CDH4: variants seen among roughly 807,000 people sequenced by gnomAD.
CDH4 encodes cadherin-4.
Under a neutral mutation model 86.0 loss-of-function variants are expected in CDH4, and 33 were observed. That is an observed-to-expected ratio of 0.38 (90% CI 0.29 to 0.51). The LOEUF (loss-of-function observed/expected upper bound fraction) is 0.51. CDH4 is among the 20% of genes least tolerant of loss of function. The pLI is 0.86. For synonymous variants in CDH4, 555 were observed against 549.4 expected, an observed-to-expected ratio of 1.01 and a Z score of -0.14; for missense variants, 1,114 against 1,307.4, an observed-to-expected ratio of 0.85 and a Z score of 2.28.
intron 2 of CDH4, among the ~76,000 whole-genome samples, chr20:61,688,334 C>T (rs2087611977): frequency 6.6e-6 from 1 of 152,052 alleles, no homozygotes; most frequent in Admixed American, 6.5e-5. Context: ...CCTCCTCTCT[C>T]CCCATTGTGT....
At chr20:61,832,852 A>G (rs942550582) in intron 4 of CDH4, among the ~76,000 whole-genome samples, 2 of 152,126 alleles carry the variant, frequency 1.3e-5, no homozygotes, top group African/African-American at 4.8e-5. Context: ...CATTACCATC[A>G]TCACTGGTTC....
At chr20:61,404,189 C>T (rs1168325940) in intron 2 of CDH4, among the ~76,000 whole-genome samples, 1 of 152,062 alleles carries the variant, frequency 6.6e-6, no homozygotes, top group Non-Finnish European at 1.5e-5. Context: ...ACTCCCACCA[C>T]CACCTGTCCC....
At position 61,565,203 on chromosome 20, in the gene CDH4, TC is replaced by T. The variant is rs1393109804; in HGVS notation, c.170-178359del. Among the ~76,000 whole-genome samples, 13 of 32,138 alleles carry T rather than the reference TC, an allele frequency of 4.0e-4. 2 individuals carry two copies. The highest frequency in any genetic ancestry group is 5.4e-4 in the Non-Finnish European group (9 of 16,788). 21.1% of individuals were successfully genotyped at this position (32,138 alleles called of 152,430 possible). ...GTGGTGGTGGTCCTCTTGGTGGTGG[TC>T]GCGGTGCTCTCGGTGGTAGGTGGTG... On this transcript the variant is annotated intron_variant, in intron 2 of 15. Coordinates refer to ENST00000614565, the MANE Select transcript of CDH4 (RefSeq NM_001794.5).
chr20:61,292,510 G>A (rs558484754), intron 2 of CDH4, among the ~76,000 whole-genome samples: 8 of 152,336 alleles, frequency 5.3e-5, no homozygotes, highest in South Asian at 2.1e-4. Context: ...TACTGGAGAC[G>A]TTTTTGGTTG....
chr20:61,763,666 G>A (rs751245863), intron 3 of CDH4, among the ~76,000 whole-genome samples: 1 of 151,906 alleles, frequency 6.6e-6, no homozygotes, highest in Non-Finnish European at 1.5e-5. Context: ...AAGACCCCTC[G>A]TCTTCCATGG....
intron 2 of CDH4, among the ~76,000 whole-genome samples, chr20:61,313,512 C>T (rs1020481063): frequency 1.3e-5 from 2 of 151,986 alleles, no homozygotes; most frequent in Admixed American, 1.3e-4. Flanking sequence ...AGGCACCAGG[C>T]GTGTCTCACA....
chr20:61,630,326 G>A (rs570002094), intron 2 of CDH4, among the ~76,000 whole-genome samples: 1 of 152,332 alleles, frequency 6.6e-6, no homozygotes, highest in South Asian at 2.1e-4. Context: ...GTCTGCCTGG[G>A]CGCCCGCTCA....
At chr20:61,692,579 A>T (rs1178009544) in intron 2 of CDH4, among the ~76,000 whole-genome samples, 1 of 152,192 alleles carries the variant, frequency 6.6e-6, no homozygotes, top group African/African-American at 2.4e-5. Flanking sequence ...CACGTTTCCT[A>T]ATAAGCATTT....
intron 2 of CDH4, among the ~76,000 whole-genome samples, chr20:61,662,755 T>G (rs148551530): frequency 2.6e-5 from 4 of 152,220 alleles, no homozygotes; most frequent in African/African-American, 9.6e-5. Context: ...CCAGCAAGAC[T>G]CGGGATGGCG....
intron 2 of CDH4, among the ~76,000 whole-genome samples, chr20:61,284,081 G>A (rs746640984): frequency 1.3e-5 from 2 of 151,808 alleles, no homozygotes; most frequent in Non-Finnish European, 2.9e-5. Flanking sequence ...CAAGGCGGGT[G>A]GATCACAAGG....
chr20:61,499,817 G>A (rs889996698), intron 2 of CDH4, among the ~76,000 whole-genome samples: 10 of 152,226 alleles, frequency 6.6e-5, no homozygotes, highest in South Asian at 4.1e-4. Flanking sequence ...ACCTTGAGCC[G>A]GATACCTCTG....
intron 4 of CDH4, among the ~76,000 whole-genome samples, chr20:61,805,119 A>T (rs918588821): frequency 6.6e-6 from 1 of 152,196 alleles, no homozygotes; most frequent in Non-Finnish European, 1.5e-5. Context: ...GGAGTGACTC[A>T]TTGGCTTTGA....
intron 5 of CDH4, among the ~76,000 whole-genome samples, chr20:61,849,732 A>G (rs1439668546): frequency 6.6e-6 from 1 of 151,968 alleles, no homozygotes; most frequent in Admixed American, 6.5e-5. Context: ...CTCCACTGTC[A>G]CCCAGCAAGG....
intron 2 of CDH4, among the ~76,000 whole-genome samples, chr20:61,672,369 G>A (rs1310286799): frequency 1.3e-5 from 2 of 152,136 alleles, no homozygotes; most frequent in Non-Finnish European, 2.9e-5. Flanking sequence ...TTGTGTGCCA[G>A]GTGCTGTCCC....
chr20:61,496,013 AT>A, intron 2 of CDH4, among the ~76,000 whole-genome samples: 1 of 152,062 alleles, frequency 6.6e-6, no homozygotes, highest in Non-Finnish European at 1.5e-5. Context: ...CTCCTCGAAC[AT>A]TTTTTTCTCT....
rs182468229 is a variant in CDH4 at position 61,404,599 on chromosome 20, T to C, written c.169+149662T>C. Among the ~76,000 whole-genome samples, 229 of 152,218 alleles carry C rather than the reference T, an allele frequency of 1.5e-3. 2 individuals carry two copies. The highest frequency in any genetic ancestry group is 5.3e-3 in the African/African-American group (221 of 41,560). ...CACAGAGACAACGTGGGCAGGGGAT[T>C]TGGGAGAAAATTGCATTCTGTTTTC... On this transcript the variant is annotated intron_variant, in intron 2 of 15. Coordinates refer to ENST00000614565, the MANE Select transcript of CDH4 (RefSeq NM_001794.5).
chr20:61,667,068 C>G (rs927484602), intron 2 of CDH4, among the ~76,000 whole-genome samples: 5 of 152,264 alleles, frequency 3.3e-5, no homozygotes, highest in African/African-American at 1.2e-4. Flanking sequence ...GCCACCATCT[C>G]ATAAGCTGCA....
intron 2 of CDH4, among the ~76,000 whole-genome samples, chr20:61,419,423 A>G (rs2085165132): frequency 6.6e-6 from 1 of 152,152 alleles, no homozygotes; most frequent in Non-Finnish European, 1.5e-5. Flanking sequence ...AACCTGAGAG[A>G]TGTAAAAACT....
Position 61,851,065 on chromosome 20 carries a change from C to T in CDH4, c.733-1689C>T, listed in dbSNP as rs989407192. Among the ~76,000 whole-genome samples the T allele has an allele frequency of 7.9e-5, 12 of 152,344 alleles. No homozygotes were observed. In the East Asian group the frequency reaches 1.2e-3, roughly 15 times the overall value. Reference sequence around the variant, plus strand: ...TGTGGGAAACACATCCATAGCAGGACGGAGCTGCAGATGGGTCGGGGATGG... The same window carrying T: ...TGTGGGAAACACATCCATAGCAGGATGGAGCTGCAGATGGGTCGGGGATGG... On this transcript the variant is annotated intron_variant, in intron 5 of 15. Coordinates refer to ENST00000614565, the MANE Select transcript of CDH4 (RefSeq NM_001794.5).
Sources: gnomAD v4.1 joint callset for allele counts (sites outside exome capture counted in the v4.1 genomes callset) on GRCh38, gnomAD v4.1.1 for gene constraint, MANE v1.5 for transcripts, NCBI Gene and HGNC (gene_info 2026-07-23, HGNC 2026-07-21) for gene names.